The following GPHN variants were observed in gnomAD, a reference collection of about 807,000 sequenced individuals.
The protein encoded by GPHN is gephyrin.
GPHN carries 17 observed loss-of-function variants against 95.5 expected under a neutral mutation model. The observed-to-expected ratio is 0.18, with a 90% CI of 0.12 to 0.27. The LOEUF is 0.27. GPHN is among the 10% of genes least tolerant of loss of function. GPHN has a pLI of 1.00. For synonymous variants in GPHN, 320 were observed against 322.5 expected (o/e 0.99, Z 0.08); for missense variants, 660 against 978.1 (o/e 0.67, Z 4.34).
chr14:67,490,520 C>CTCA, the GPHN span, among the ~76,000 whole-genome samples: 7 of 152,208 alleles, frequency 4.6e-5, no homozygotes, highest in African/African-American at 1.7e-4. Context: ...TGCTGGCACT[C>CTCA]TCAAAAGCCA....
chr14:67,697,486 G>A, the GPHN span, among the ~76,000 whole-genome samples: 3 of 152,308 alleles, frequency 2.0e-5, no homozygotes, highest in South Asian at 2.1e-4. Context: ...GGCAATAATA[G>A]CCAGTGCTTA....
intron 4 of GPHN, among the ~76,000 whole-genome samples, chr14:66,863,441 A>G (rs2063110142): frequency 2.0e-5 from 3 of 152,098 alleles, no homozygotes; most frequent in Admixed American, 2.0e-4. Flanking sequence ...AACACCAATG[A>G]CATTCTTCAC....
the GPHN span, chr14:67,583,718 C>T: frequency 2.9e-5 from 46 of 1,596,278 alleles, no homozygotes; most frequent in East Asian, 5.4e-4. Flanking sequence ...TTTGACTGGT[C>T]TCTTCATATG....
chr14:66,705,409 A>G (rs1218173311), intron 2 of GPHN, among the ~76,000 whole-genome samples: 2 of 152,220 alleles, frequency 1.3e-5, no homozygotes, highest in Non-Finnish European at 2.9e-5. Context: ...TGATGCAAAA[A>G]TCATCGATAA....
At chr14:66,511,292 T>C (rs2058033045) in intron 1 of GPHN, among the ~76,000 whole-genome samples, 1 of 152,184 alleles carries the variant, frequency 6.6e-6, no homozygotes, top group African/African-American at 2.4e-5. Flanking sequence ...AATTATTCTT[T>C]ACTGAACTGA....
intron 1 of GPHN, among the ~76,000 whole-genome samples, chr14:66,621,793 A>G (rs2063317519): frequency 6.6e-6 from 1 of 152,076 alleles, no homozygotes; most frequent in Non-Finnish European, 1.5e-5. Context: ...ATGCTGATGC[A>G]AGAGGTGGGT....
chr14:67,256,825 T>C, the GPHN span, among the ~76,000 whole-genome samples: 5,524 of 127,218 alleles, frequency 0.043, 111 homozygotes, highest in African/African-American at 0.061. Flanking sequence ...CACACACACA[T>C]GAAACTGATA....
the GPHN span, among the ~76,000 whole-genome samples, chr14:67,297,702 G>A: frequency 2.2e-3 from 283 of 128,614 alleles, no homozygotes; most frequent in Non-Finnish European, 3.1e-3. Context: ...AAATTAATAG[G>A]ACATAGTGTC....
At chr14:66,516,437 T>G (rs1377502283) in intron 1 of GPHN, among the ~76,000 whole-genome samples, 1 of 152,194 alleles carries the variant, frequency 6.6e-6, no homozygotes, top group Non-Finnish European at 1.5e-5. Context: ...TGCCCTGCCC[T>G]TCTAATCTAC....
At chr14:66,957,655 G>T (rs1245383513) in intron 8 of GPHN, among the ~76,000 whole-genome samples, 3 of 152,064 alleles carry the variant, frequency 2.0e-5, no homozygotes, top group Non-Finnish European at 2.9e-5. Context: ...GTATTCTGCT[G>T]GTATCAGATA....
chr14:67,473,507 G>A, the GPHN span: 20 of 1,614,046 alleles, frequency 1.2e-5, no homozygotes, highest in African/African-American at 5.3e-5. The surrounding 1 kb of genome is among the most constrained non-coding windows in gnomAD (Gnocchi z 6.5). Context: ...GGAGGCGGAG[G>A]GTGTTGCGGA....
At chr14:67,411,298 T>G in the GPHN span, among the ~76,000 whole-genome samples, 1 of 152,162 alleles carries the variant, frequency 6.6e-6, no homozygotes, top group Non-Finnish European at 1.5e-5. Flanking sequence ...GGGGAAGGAC[T>G]GAGGAGGGGA....
the GPHN span, chr14:67,659,761 A>G: frequency 1.1e-5 from 17 of 1,613,572 alleles, no homozygotes; most frequent in Non-Finnish European, 1.4e-5. Flanking sequence ...CATATATGCC[A>G]TATTTCATGT....
intron 4 of GPHN, among the ~76,000 whole-genome samples, chr14:66,843,095 GT>G (rs2153509360): frequency 6.6e-6 from 1 of 152,114 alleles, no homozygotes; most frequent in Non-Finnish European, 1.5e-5. Context: ...ATCTGTCATT[GT>G]TTCTCTACTG....
chr14:67,673,131 TC>T, the GPHN span, among the ~76,000 whole-genome samples: 1 of 152,190 alleles, frequency 6.6e-6, no homozygotes, highest in Non-Finnish European at 1.5e-5. Context: ...TCACTTGAGG[TC>T]AGGAGTTAGA....
chr14:67,152,836 A>T (rs1381431951), intron 18 of GPHN, among the ~76,000 whole-genome samples: 1 of 151,966 alleles, frequency 6.6e-6, no homozygotes, highest in Non-Finnish European at 1.5e-5. Context: ...GTGGTGGTGC[A>T]TGCCTGTCAT....
the GPHN span, chr14:67,323,615 A>T: frequency 0.097 from 25,227 of 259,970 alleles, 2,587 homozygotes; most frequent in East Asian, 0.33. Flanking sequence ...CCCTTAATCT[A>T]ATATATATAT....
the GPHN span, among the ~76,000 whole-genome samples, chr14:67,430,083 ACTC>A: frequency 6.6e-6 from 1 of 151,812 alleles, no homozygotes; most frequent in Non-Finnish European, 1.5e-5. Context: ...CTCTGATAAA[ACTC>A]CTGCGAGAGG....
At chr14:67,651,225 A>G in the GPHN span, 1 of 1,390,010 alleles carries the variant, frequency 7.2e-7, no homozygotes, top group Non-Finnish European at 9.6e-7. Flanking sequence ...TTCACATTTA[A>G]GTGGTTTTTC....
Sources: allele counts gnomAD v4.1 joint callset (sites outside exome capture counted in the v4.1 genomes callset), GRCh38; gene constraint gnomAD v4.1.1; non-coding constraint Gnocchi (gnomAD v3.1); transcripts MANE v1.5; gene names NCBI Gene and HGNC (gene_info 2026-07-23, HGNC 2026-07-21).